Variants in ISCA1 observed in about 807,000 individuals in gnomAD.
The protein encoded by ISCA1 is iron-sulfur cluster assembly 1.
In ISCA1, 9 loss-of-function variants were observed where a neutral mutation model predicts 14.7. The observed-to-expected ratio is 0.61, with a 90% CI of 0.37 to 1.07. The LOEUF (loss-of-function observed/expected upper bound fraction) is 1.07, where lower values mean the gene tolerates loss of function less well. ISCA1 is among the 50% of genes least tolerant of loss of function. The pLI is 0.01. For missense variants in ISCA1, 102 were observed against 150.1 expected (o/e 0.68, Z 1.67); for synonymous variants, 38 against 54.3 (o/e 0.70, Z 1.32).
intron 3 of ISCA1, chr9:86,267,301 C>T (rs1825302971): frequency 1.2e-6 from 1 of 818,782 alleles, no homozygotes; most frequent in African/African-American, 1.9e-5. Flanking sequence ...TAAATATAAA[C>T]AATATATAAT....
intron 3 of ISCA1, among the ~76,000 whole-genome samples, chr9:86,271,528 C>CATTTCAG (rs1203735224): frequency 6.6e-6 from 1 of 152,128 alleles, no homozygotes; most frequent in Non-Finnish European, 1.5e-5. Flanking sequence ...AATTTGGGAG[C>CATTTCAG]ATTTCAGATT....
intron 1 of ISCA1, among the ~76,000 whole-genome samples, chr9:86,280,311 C>T (rs1213845239): frequency 6.6e-6 from 1 of 152,098 alleles, no homozygotes. Flanking sequence ...AAGGGCAAGG[C>T]ACGGTGGCTC....
intron 1 of ISCA1, among the ~76,000 whole-genome samples, chr9:86,280,893 A>C (rs1825504503): frequency 6.6e-6 from 1 of 152,110 alleles, no homozygotes; most frequent in African/African-American, 2.4e-5. Flanking sequence ...GCACCACTGA[A>C]CTACAGCCTG....
At chr9:86,279,643 A>AG (rs1174866531) in intron 1 of ISCA1, among the ~76,000 whole-genome samples, 1 of 152,254 alleles carries the variant, frequency 6.6e-6, no homozygotes, top group Non-Finnish European at 1.5e-5. Context: ...TTACTGAATT[A>AG]GGTATACTTG....
Position 86,265,942 on chromosome 9 carries a change from C to T in ISCA1, c.*101G>A. 9.3e-6 allele frequency: 14 copies of T among 1,500,716 alleles called. No individual in the cohort carries two copies. The highest frequency in any genetic ancestry group is 1.3e-5 in the Non-Finnish European group (14 of 1,079,212). The allele number at this position is 1,500,716 out of a possible 1,614,324, so 93.0% of individuals were successfully genotyped here. ...CACTGGATTCATTTTCAAGATGTATCACTTTATTTTCCAGCACGTGACAGT... is the reference window on the plus strand; with the variant it reads ...CACTGGATTCATTTTCAAGATGTATTACTTTATTTTCCAGCACGTGACAGT... On this transcript the variant is annotated 3_prime_UTR_variant, in exon 4 of 4. Coordinates refer to ENST00000375991, the MANE Select transcript of ISCA1 (RefSeq NM_030940.4).
At chr9:86,282,309 G>T (rs1194272312) in intron 1 of ISCA1, 69 bp downstream of exon 1, 4 of 1,482,406 alleles carry the variant, frequency 2.7e-6, no homozygotes, top group Non-Finnish European at 3.6e-6. Context: ...CCCGGCCGCC[G>T]TGACCTCCCC....
intron 1 of ISCA1, among the ~76,000 whole-genome samples, chr9:86,277,760 T>C (rs1825455974): frequency 6.6e-6 from 1 of 152,214 alleles, no homozygotes; most frequent in Admixed American, 6.5e-5. Flanking sequence ...TGTTTTAAAA[T>C]TTAAGAGCTT....
chr9:86,276,845 T>A (rs1268504104), intron 1 of ISCA1, among the ~76,000 whole-genome samples: 1 of 113,152 alleles, frequency 8.8e-6, no homozygotes, highest in Non-Finnish European at 1.6e-5. Context: ...CACTCCAGCC[T>A]GGGAAACAGA....
intron 2 of ISCA1, among the ~76,000 whole-genome samples, chr9:86,273,390 G>T (rs79483557): frequency 0.024 from 3,723 of 152,274 alleles, 73 homozygotes; most frequent in Non-Finnish European, 0.038. Flanking sequence ...AGAACAATGA[G>T]CCTGGCACAC....
At chr9:86,274,430 A>T (rs867150988) in intron 1 of ISCA1, among the ~76,000 whole-genome samples, 188 bp from the exon 2 acceptor site, 16 of 149,892 alleles carry the variant, frequency 1.1e-4, no homozygotes, top group Non-Finnish European at 1.8e-4. Context: ...CTCTTTATTT[A>T]AAAAAAAAAT....
Position 86,272,050 on chromosome 9 carries a change from A to G in ISCA1, c.198T>C (p.Tyr66=). 6.2e-7 allele frequency: 1 copy of G among 1,606,892 alleles called. No homozygotes were observed. Among genetic ancestry groups the G allele is most frequent in the South Asian group, 1.1e-5 (1 of 90,574 alleles). The change falls in exon 3 of 4, where the codon TAT becomes TAC. Residue 66 remains tyrosine (Y), a synonymous_variant. Coordinates refer to ENST00000375991, the MANE Select transcript of ISCA1 (RefSeq NM_030940.4). ...GCNGLSYTLE[Y]TKTKGDSDEE... The stretch of plus-strand genomic sequence containing the variant: ...CATCAGAATCTCCTTTTGTCTTTGT[A>G]TATTCTAGAGTATAAGAAAGGCCAT...
chr9:86,267,574 T>TAC, intron 3 of ISCA1: 1 of 891,992 alleles, frequency 1.1e-6, no homozygotes, highest in Non-Finnish European at 1.3e-6. Flanking sequence ...CAAATATAAT[T>TAC]AATTTTAATT....
rs1233476200 is a variant in ISCA1 at position 86,282,482 on chromosome 9, G to T, written c.-24C>A. 6.4e-7 allele frequency: 1 copy of T among 1,550,496 alleles called. No homozygotes were observed. The highest frequency in any genetic ancestry group is 8.7e-7 in the Non-Finnish European group (1 of 1,147,002). On this transcript the variant is annotated 5_prime_UTR_variant, in exon 1 of 4. Coordinates refer to ENST00000375991, the MANE Select transcript of ISCA1 (RefSeq NM_030940.4). ...ATCTTCGCCGTCCCGGCGCCCCGGT[G>T]CCTCGGGCCGAAGGTCGGCCGCCTC...
chr9:86,278,036 C>T (rs1825461308), intron 1 of ISCA1, among the ~76,000 whole-genome samples: 1 of 152,150 alleles, frequency 6.6e-6, no homozygotes. Flanking sequence ...ACTCCCCAGG[C>T]AATTTTCATT....
intron 2 of ISCA1, among the ~76,000 whole-genome samples, chr9:86,272,910 C>T (rs1216533533): frequency 2.6e-5 from 4 of 152,134 alleles, no homozygotes; most frequent in Admixed American, 2.6e-4. Flanking sequence ...ACAGATGCAA[C>T]CTTCTATTTT....
rs532154726 is a variant in ISCA1 at position 86,267,319 on chromosome 9, C to A, written c.242-1128G>T. The A allele has an allele frequency of 6.1e-6, 5 of 816,616 alleles. No individual in the cohort carries two copies. In the East Asian group the frequency reaches 5.0e-4, roughly 81 times the overall value. The allele number at this position is 816,616 out of a possible 1,614,324, so 50.6% of individuals were successfully genotyped here. On this transcript the variant is annotated intron_variant, in intron 3 of 3. Transcript: ENST00000375991. ...ATATAAACAATATATAATTAAGTCACCTCTTCTTTAAGATGAAAATCTTAA... is the reference window on the plus strand; with the variant it reads ...ATATAAACAATATATAATTAAGTCAACTCTTCTTTAAGATGAAAATCTTAA...
intron 1 of ISCA1, among the ~76,000 whole-genome samples, chr9:86,281,264 T>C (rs917154433): frequency 2.0e-5 from 3 of 152,212 alleles, no homozygotes; most frequent in African/African-American, 7.2e-5. Flanking sequence ...CAGGGTAATA[T>C]CAAAGGCCTA....
intron 1 of ISCA1, among the ~76,000 whole-genome samples, chr9:86,280,069 A>G (rs1005253160): frequency 1.3e-5 from 2 of 152,222 alleles, no homozygotes; most frequent in African/African-American, 4.8e-5. Flanking sequence ...GAGAACTGCT[A>G]TGATAACATG....
chr9:86,271,726 T>C (rs1014337308), intron 3 of ISCA1, among the ~76,000 whole-genome samples: 1 of 152,194 alleles, frequency 6.6e-6, no homozygotes, highest in Non-Finnish European at 1.5e-5. Context: ...GAGCAGTCTC[T>C]GGAAAGAATT....
Sources: gnomAD v4.1 joint callset for allele counts (sites outside exome capture counted in the v4.1 genomes callset) on GRCh38, gnomAD v4.1.1 for gene constraint, MANE v1.5 for transcripts, NCBI Gene and HGNC (gene_info 2026-07-23, HGNC 2026-07-21) for gene names.